Variants in VPS13B observed in about 807,000 individuals in gnomAD.
VPS13B encodes the protein intermembrane lipid transfer protein VPS13B.
VPS13B carries 285 observed loss-of-function variants against 426.4 expected under a neutral mutation model. The observed-to-expected ratio is 0.67, with a 90% CI of 0.61 to 0.74. The LOEUF is 0.74. VPS13B is among the 30% of genes least tolerant of loss of function. The probability of loss-of-function intolerance (pLI) is 0.00; values close to 1 mark genes in which losing one functional copy is unlikely to be tolerated. For missense variants in VPS13B, 4,537 were observed against 4,782.6 expected (o/e 0.95, Z 1.51); for synonymous variants, 1,676 against 1,676.4 (o/e 1.00, Z 0.01).
chr8:99,721,091 A>G (rs1451983331), intron 39 of VPS13B, 44 bp downstream of exon 39: 5 of 1,597,018 alleles, frequency 3.1e-6, no homozygotes. Flanking sequence ...ATTGTGGGAA[A>G]GGGCTGATCA....
intron 21 of VPS13B, among the ~76,000 whole-genome samples, chr8:99,396,311 G>A (rs1227126099): frequency 6.6e-6 from 1 of 151,992 alleles, no homozygotes. Flanking sequence ...TAAGACTATT[G>A]AGTCACAAAG....
chr8:99,097,822 A>G (rs1846510013), intron 4 of VPS13B, among the ~76,000 whole-genome samples: 1 of 152,166 alleles, frequency 6.6e-6, no homozygotes, highest in African/African-American at 2.4e-5. Context: ...TATGGACCTA[A>G]CAATGTGACT....
At chr8:99,106,851 T>C (rs1230011577) in intron 5 of VPS13B, among the ~76,000 whole-genome samples, 1 of 152,224 alleles carries the variant, frequency 6.6e-6, no homozygotes, top group African/African-American at 2.4e-5. Flanking sequence ...CACTGGTCTT[T>C]CCTGGATATA....
rs529414470 is a variant in VPS13B at position 99,608,881 on chromosome 8, T to A, written c.5220+31248T>A. Among the ~76,000 whole-genome samples the A allele has an allele frequency of 3.9e-5, 6 of 152,178 alleles. No individual in the cohort carries two copies. The South Asian group carries it at 1.0e-3, about 26-fold the overall frequency. ...ATTGTATAGATATATACCATAGGTGTTTTTTAAAAATATATATATATTTAT... is the reference window on the plus strand; with the variant it reads ...ATTGTATAGATATATACCATAGGTGATTTTTAAAAATATATATATATTTAT... On this transcript the variant is annotated intron_variant, in intron 33 of 61. Coordinates refer to ENST00000357162, the MANE Select transcript of VPS13B (RefSeq NM_152564.5).
chr8:99,120,687 CA>C (rs1335562967), intron 7 of VPS13B: 1 of 152,254 alleles, frequency 6.6e-6, no homozygotes, highest in Non-Finnish European at 1.5e-5. Flanking sequence ...CTTGTTTGGG[CA>C]GGGGAGCATT....
chr8:99,337,368 TG>T (rs1408334980), intron 19 of VPS13B, among the ~76,000 whole-genome samples: 1 of 67,028 alleles, frequency 1.5e-5, no homozygotes, highest in African/African-American at 6.1e-5. Flanking sequence ...TGTTGTGGGG[TG>T]GGGGGAGGGG....
intron 3 of VPS13B, among the ~76,000 whole-genome samples, chr8:99,069,356 C>T (rs73281614): frequency 0.017 from 2,612 of 152,228 alleles, 72 homozygotes; most frequent in African/African-American, 0.06. Flanking sequence ...ATGGATTGAG[C>T]CAGGAAGGTT....
chr8:99,593,217 GA>G (rs879009039), intron 33 of VPS13B, among the ~76,000 whole-genome samples: 6 of 150,974 alleles, frequency 4.0e-5, no homozygotes, highest in Non-Finnish European at 7.4e-5. Context: ...AAATTTACAA[GA>G]AAAAAAACAA....
chr8:99,188,992 C>T lies in VPS13B; in HGVS notation c.2334-3884C>T, dbSNP rs561842056. Among the ~76,000 whole-genome samples, 12 of 152,284 alleles carry T rather than the reference C, an allele frequency of 7.9e-5. No homozygotes were observed. In the South Asian group the frequency reaches 2.3e-3, roughly 29 times the overall value. On this transcript the variant is annotated intron_variant, in intron 16 of 61. Transcript: ENST00000357162. Reference sequence around the variant, plus strand: ...TCGGCTCACTGCAAGCTCCGCCTCCCGGGTTCACACCATTCTCCTGCCTCA... The same window carrying T: ...TCGGCTCACTGCAAGCTCCGCCTCCTGGGTTCACACCATTCTCCTGCCTCA...
intron 12 of VPS13B, among the ~76,000 whole-genome samples, chr8:99,137,477 A>G (rs1264524611): frequency 2.0e-5 from 3 of 152,032 alleles, no homozygotes; most frequent in Non-Finnish European, 2.9e-5. Context: ...ATTTAAGTAA[A>G]TGATTATAAC....
chr8:99,495,145 A>G (rs1417420602), intron 25 of VPS13B, among the ~76,000 whole-genome samples: 1 of 152,168 alleles, frequency 6.6e-6, no homozygotes, highest in Non-Finnish European at 1.5e-5. Flanking sequence ...TATCTTAAGT[A>G]TGGTTCAAAG....
At position 99,235,218 on chromosome 8, in the gene VPS13B, A is replaced by G. The variant is rs796400876; in HGVS notation, c.2516-38980A>G. ...ATTGAACACCTTCTTTGTTACTACA[A>G]ATATGTAGAGACTATAGTAATAATG... On this transcript the variant is annotated intron_variant, in intron 17 of 61. Transcript: ENST00000357162. 5.0e-4 allele frequency among the ~76,000 whole-genome samples: 76 copies of G among 152,340 alleles called. 1 individual carries two copies. The highest frequency in any genetic ancestry group is 3.4e-3 in the Middle Eastern group (1 of 294).
At chr8:99,846,226 A>G (rs1815977440) in intron 54 of VPS13B, among the ~76,000 whole-genome samples, 1 of 152,250 alleles carries the variant, frequency 6.6e-6, no homozygotes, top group South Asian at 2.1e-4. Flanking sequence ...CACAGAGTCC[A>G]TGATGGTGAA....
intron 22 of VPS13B, among the ~76,000 whole-genome samples, chr8:99,434,181 G>C (rs1034565066): frequency 6.6e-6 from 1 of 152,144 alleles, no homozygotes; most frequent in African/African-American, 2.4e-5. Flanking sequence ...TCAAAATTCA[G>C]CAGTTAAATG....
chr8:99,189,860 C>T (rs888880762), intron 16 of VPS13B, among the ~76,000 whole-genome samples: 1 of 152,092 alleles, frequency 6.6e-6, no homozygotes, highest in African/African-American at 2.4e-5. Flanking sequence ...CTTTTTCATT[C>T]TACTTAGACT....
intron 30 of VPS13B, among the ~76,000 whole-genome samples, chr8:99,537,038 T>C (rs1479247368): frequency 6.6e-6 from 1 of 152,242 alleles, no homozygotes; most frequent in Non-Finnish European, 1.5e-5. Flanking sequence ...ATATTTATAC[T>C]GTAGAATAAA....
chr8:99,214,982 A>G (rs1008282670), intron 17 of VPS13B, among the ~76,000 whole-genome samples: 6 of 152,068 alleles, frequency 3.9e-5, no homozygotes, highest in African/African-American at 1.4e-4. Context: ...TATTTAATCT[A>G]TTTATATCAA....
At chr8:99,675,720 CTGT>C in intron 35 of VPS13B, among the ~76,000 whole-genome samples, 1 of 152,038 alleles carries the variant, frequency 6.6e-6, no homozygotes, top group Middle Eastern at 3.4e-3. Flanking sequence ...ATCAATTCTG[CTGT>C]TGATATTCTC....
chr8:99,833,787 A>G (rs1246323738), intron 52 of VPS13B, among the ~76,000 whole-genome samples: 1 of 152,264 alleles, frequency 6.6e-6, no homozygotes, highest in Non-Finnish European at 1.5e-5. Flanking sequence ...AATCTTATCT[A>G]TAAATACTAA....
Sources: gnomAD v4.1 joint callset for allele counts (sites outside exome capture counted in the v4.1 genomes callset) on GRCh38, gnomAD v4.1.1 for gene constraint, MANE v1.5 for transcripts, NCBI Gene and HGNC (gene_info 2026-07-23, HGNC 2026-07-21) for gene names.